KCNQ3: variants seen among roughly 807,000 people sequenced by gnomAD.
KCNQ3 encodes potassium voltage-gated channel subfamily Q member 3.
A neutral mutation model predicts 92.5 loss-of-function variants in KCNQ3; 30 were observed. The observed-to-expected ratio is 0.32, with a 90% CI of 0.24 to 0.44. The LOEUF is 0.44. Among genes scored for constraint, KCNQ3 ranks in the 20% least tolerant of loss-of-function variants. KCNQ3 has a pLI of 1.00. For missense variants in KCNQ3, 913 were observed against 1,140.3 expected (o/e 0.80, Z 2.87); for synonymous variants, 450 against 468.8 (o/e 0.96, Z 0.52).
intron 1 of KCNQ3, among the ~76,000 whole-genome samples, chr8:132,358,505 C>A (rs1394276955): frequency 1.3e-5 from 2 of 152,178 alleles, no homozygotes; most frequent in Non-Finnish European, 2.9e-5. Context: ...ACTTTGGCTC[C>A]TTCCAACTCA....
rs763432119 is a variant in KCNQ3, at chr8:132,129,325, A to C, written c.2556T>G (p.Pro852=). ...TDPFTPSGSM[P]LSSTGDGISD... ...AAATCCCATCCCCTGTGGACGACAG[A>C]GGCATGGAGCCGCTGGGCGTGAAGG... The change falls in exon 15 of 15, where the codon CCT becomes CCG. Residue 852 remains proline (P), a synonymous_variant. Transcript: ENST00000388996. The surrounding 1 kb of genome is among the most constrained non-coding windows in gnomAD (Gnocchi z 5.9). 39 of 1,614,172 alleles carry C rather than the reference A, an allele frequency of 2.4e-5. No homozygotes were observed. Among genetic ancestry groups the C allele is most frequent in the Non-Finnish European group, 3.2e-5 (38 of 1,180,034 alleles).
intron 1 of KCNQ3, among the ~76,000 whole-genome samples, chr8:132,205,713 T>C (rs112777421): frequency 7.9e-5 from 12 of 152,352 alleles, no homozygotes; most frequent in African/African-American, 2.9e-4. Context: ...TGTGAGACTA[T>C]AGTAGAAACT....
At chr8:132,327,003 C>T (rs1818074552) in intron 1 of KCNQ3, among the ~76,000 whole-genome samples, 2 of 152,220 alleles carry the variant, frequency 1.3e-5, no homozygotes, top group African/African-American at 4.8e-5. Context: ...ATTTACTGCT[C>T]ATGTGTTAAC....
intron 1 of KCNQ3, among the ~76,000 whole-genome samples, chr8:132,199,237 C>A (rs1827388616): frequency 6.6e-6 from 1 of 152,064 alleles, no homozygotes; most frequent in Non-Finnish European, 1.5e-5. Context: ...AAACTTCAAC[C>A]AATCCTACCC....
At chr8:132,319,170 T>C (rs1817828338) in intron 1 of KCNQ3, among the ~76,000 whole-genome samples, 1 of 152,120 alleles carries the variant, frequency 6.6e-6, no homozygotes, top group Non-Finnish European at 1.5e-5. Context: ...TGGATCCCAG[T>C]GTTAGGAAAT....
chr8:132,316,920 A>C (rs532146341), intron 1 of KCNQ3, among the ~76,000 whole-genome samples: 87 of 152,288 alleles, frequency 5.7e-4, no homozygotes, highest in African/African-American at 2.1e-3. Flanking sequence ...GTGGTATTTT[A>C]ATGAGAAGTA....
At chr8:132,252,433 C>T (rs968123012) in intron 1 of KCNQ3, among the ~76,000 whole-genome samples, 4 of 152,108 alleles carry the variant, frequency 2.6e-5, no homozygotes, top group African/African-American at 7.2e-5. Context: ...CATAGTCTCG[C>T]TAACTTCAGG....
At chr8:132,366,460 G>T (rs1227480582) in intron 1 of KCNQ3, among the ~76,000 whole-genome samples, 4 of 151,938 alleles carry the variant, frequency 2.6e-5, no homozygotes, top group African/African-American at 9.7e-5. Context: ...AATAACATTG[G>T]CTAGTACCTC....
At chr8:132,361,054 C>T (rs1444925213) in intron 1 of KCNQ3, among the ~76,000 whole-genome samples, 1 of 152,188 alleles carries the variant, frequency 6.6e-6, no homozygotes, top group East Asian at 1.9e-4. Context: ...TCCACCCTCT[C>T]ATCTAATAAC....
chr8:132,398,014 G>A (rs148747625), intron 1 of KCNQ3, among the ~76,000 whole-genome samples: 7 of 152,076 alleles, frequency 4.6e-5, no homozygotes, highest in African/African-American at 9.6e-5. Context: ...TTGTGTCTTC[G>A]GGCGGTTACA....
intron 1 of KCNQ3, among the ~76,000 whole-genome samples, chr8:132,213,370 C>T (rs867763337): frequency 1.3e-5 from 2 of 152,204 alleles, no homozygotes; most frequent in African/African-American, 2.4e-5. Flanking sequence ...TTCTTTACTT[C>T]CCAAACTGCC....
rs191320447 is a variant in KCNQ3, at chr8:132,152,501, T to G, written c.1262+10967A>C. Among the ~76,000 whole-genome samples the G allele has an allele frequency of 2.1e-3, 313 of 152,282 alleles. 1 individual carries two copies. Among genetic ancestry groups the G allele is most frequent in the Non-Finnish European group, 4.0e-3 (272 of 68,020 alleles). On this transcript the variant is annotated intron_variant, in intron 9 of 14. Coordinates refer to ENST00000388996, the MANE Select transcript of KCNQ3 (RefSeq NM_004519.4). Reference sequence around the variant, plus strand: ...AATACAATTGTTTGCATCACTGCAATAAGAATCCATTTTCTTTTGCAACAG... The same window carrying G: ...AATACAATTGTTTGCATCACTGCAAGAAGAATCCATTTTCTTTTGCAACAG...
At chr8:132,261,773 G>A (rs1480740534) in intron 1 of KCNQ3, among the ~76,000 whole-genome samples, 3 of 152,176 alleles carry the variant, frequency 2.0e-5, no homozygotes, top group African/African-American at 7.2e-5. Flanking sequence ...CCCTGCTTGG[G>A]AATGAGGCTT....
intron 1 of KCNQ3, among the ~76,000 whole-genome samples, chr8:132,449,851 C>A (rs1714557309): frequency 6.6e-6 from 1 of 152,112 alleles, no homozygotes; most frequent in African/African-American, 2.4e-5. Flanking sequence ...TAAAGTTTTA[C>A]AAACTGAGAA....
intron 1 of KCNQ3, among the ~76,000 whole-genome samples, chr8:132,356,393 T>C (rs1021966539): frequency 2.0e-5 from 3 of 152,156 alleles, no homozygotes; most frequent in Non-Finnish European, 4.4e-5. Context: ...GAAGCAGGAA[T>C]GATGTTTTTA....
chr8:132,371,292 T>G (rs954551711), intron 1 of KCNQ3, among the ~76,000 whole-genome samples: 1 of 152,200 alleles, frequency 6.6e-6, no homozygotes, highest in African/African-American at 2.4e-5. Flanking sequence ...TGGTAGTTTG[T>G]TGGGCCTATG....
At chr8:132,294,074 C>G (rs550228044) in intron 1 of KCNQ3, among the ~76,000 whole-genome samples, 1 of 146,460 alleles carries the variant, frequency 6.8e-6, no homozygotes, top group African/African-American at 2.5e-5. Context: ...GATCTCAGCT[C>G]ACTGCAACCT....
intron 1 of KCNQ3, among the ~76,000 whole-genome samples, chr8:132,317,353 A>G (rs1223327259): frequency 2.0e-5 from 3 of 152,194 alleles, no homozygotes; most frequent in African/African-American, 7.2e-5. Flanking sequence ...TTTCATGCAG[A>G]ATTTTTCAAG....
intron 1 of KCNQ3, among the ~76,000 whole-genome samples, chr8:132,434,873 G>C (rs1318282925): frequency 6.6e-6 from 1 of 152,242 alleles, no homozygotes; most frequent in African/African-American, 2.4e-5. Context: ...GACCCCGGAA[G>C]AGGCTGCCTC....
Sources: gnomAD v4.1 joint callset for allele counts (sites outside exome capture counted in the v4.1 genomes callset) on GRCh38, gnomAD v4.1.1 for gene constraint, Gnocchi (gnomAD v3.1) non-coding constraint, MANE v1.5 for transcripts, NCBI Gene and HGNC (gene_info 2026-07-23, HGNC 2026-07-21) for gene names.